NDUFAF2: variants seen among roughly 807,000 people sequenced by gnomAD.
NDUFAF2 encodes NADH dehydrogenase [ubiquinone] 1 alpha subcomplex assembly factor 2.
NDUFAF2 carries 13 observed loss-of-function variants against 22.8 expected under a neutral mutation model. The observed-to-expected ratio is 0.57, with a 90% CI of 0.37 to 0.91. NDUFAF2 has a LOEUF of 0.91. NDUFAF2 is among the 40% of genes least tolerant of loss of function. The pLI is 0.01. For missense variants in NDUFAF2, 162 were observed against 195.2 expected (o/e 0.83, Z 1.01); for synonymous variants, 53 against 64.2 (o/e 0.83, Z 0.84).
chr5:61,001,861 A>G (rs1198046488), intron 1 of NDUFAF2, among the ~76,000 whole-genome samples: 1 of 152,118 alleles, frequency 6.6e-6, no homozygotes, highest in Non-Finnish European at 1.5e-5. Context: ...AACAAATACT[A>G]CACCTTAAAA....
intron 2 of NDUFAF2, among the ~76,000 whole-genome samples, chr5:61,091,231 T>C (rs1752565387): frequency 6.6e-6 from 1 of 152,302 alleles, no homozygotes; most frequent in South Asian, 2.1e-4. Context: ...TCAAATGGTA[T>C]TTCTGTCTTT....
At chr5:61,132,061 A>G (rs1171747146) in intron 3 of NDUFAF2, among the ~76,000 whole-genome samples, 2 of 152,194 alleles carry the variant, frequency 1.3e-5, no homozygotes, top group African/African-American at 4.8e-5. Context: ...TTTCTTTGCT[A>G]AACCAAAATG....
chr5:61,120,764 C>T (rs980264039), intron 3 of NDUFAF2, among the ~76,000 whole-genome samples: 1 of 152,020 alleles, frequency 6.6e-6, no homozygotes, highest in East Asian at 1.9e-4. Context: ...AGACAAGTCT[C>T]ATTTAAGTTT....
chr5:61,122,091 A>T (rs1752983146), intron 3 of NDUFAF2, among the ~76,000 whole-genome samples: 1 of 152,078 alleles, frequency 6.6e-6, no homozygotes, highest in Non-Finnish European at 1.5e-5. Context: ...TGGCCTCACC[A>T]AAGTGTTGGG....
At chr5:61,023,151 C>G (rs547333052) in intron 1 of NDUFAF2, among the ~76,000 whole-genome samples, 1 of 152,118 alleles carries the variant, frequency 6.6e-6, no homozygotes, top group African/African-American at 2.4e-5. Context: ...AGTAAAGATA[C>G]AGATTGTATT....
chr5:60,990,949 A>G (rs1751150188), intron 1 of NDUFAF2, among the ~76,000 whole-genome samples: 1 of 152,150 alleles, frequency 6.6e-6, no homozygotes, highest in Admixed American at 6.6e-5. Flanking sequence ...GACTAGCCCA[A>G]AGCTCCTACG....
At chr5:61,043,422 TGTATA>T (rs144181176) in intron 1 of NDUFAF2, among the ~76,000 whole-genome samples, 15,564 of 152,052 alleles carry the variant, frequency 0.1, 1,053 homozygotes, top group South Asian at 0.16. Context: ...GTCACCATGA[TGTATA>T]GTCTCTTGAA....
chr5:61,027,791 A>G (rs1005741790), intron 1 of NDUFAF2, among the ~76,000 whole-genome samples: 4 of 151,844 alleles, frequency 2.6e-5, no homozygotes, highest in Non-Finnish European at 5.9e-5. Flanking sequence ...GTTGCTGTCA[A>G]TTTCATCACC....
chr5:60,962,054 T>TA (rs1337131829), intron 1 of NDUFAF2, among the ~76,000 whole-genome samples: 2 of 152,232 alleles, frequency 1.3e-5, no homozygotes, highest in Admixed American at 6.5e-5. Context: ...ATTGTATATA[T>TA]TTATATTGTT....
intron 1 of NDUFAF2, among the ~76,000 whole-genome samples, chr5:61,063,394 G>A (rs1291380711): frequency 1.3e-5 from 2 of 151,910 alleles, no homozygotes; most frequent in Non-Finnish European, 2.9e-5. Context: ...AGCTACTCTG[G>A]AGGCTGAGGC....
intron 1 of NDUFAF2, among the ~76,000 whole-genome samples, chr5:60,982,012 G>A (rs1750985098): frequency 6.6e-6 from 1 of 152,078 alleles, no homozygotes; most frequent in African/African-American, 2.4e-5. Flanking sequence ...GGACATCTTT[G>A]GAGAAACACT....
chr5:61,007,065 T>C (rs567159481), intron 1 of NDUFAF2, among the ~76,000 whole-genome samples: 45 of 152,284 alleles, frequency 3.0e-4, no homozygotes, highest in African/African-American at 1.1e-3. Context: ...ATTTTGTAGA[T>C]TGCCTGTTCA....
chr5:60,978,796 C>A (rs773827508), intron 1 of NDUFAF2, among the ~76,000 whole-genome samples: 1 of 152,124 alleles, frequency 6.6e-6, no homozygotes, highest in Non-Finnish European at 1.5e-5. Context: ...GGTGGACTTG[C>A]GGTGCCTATG....
chr5:60,965,970 A>C (rs899193327), intron 1 of NDUFAF2, among the ~76,000 whole-genome samples: 2 of 151,992 alleles, frequency 1.3e-5, no homozygotes, highest in African/African-American at 4.8e-5. Flanking sequence ...GGCTATACTA[A>C]TTTACATTCC....
chr5:61,048,224 C>T (rs1375647596), intron 1 of NDUFAF2, among the ~76,000 whole-genome samples: 1 of 152,044 alleles, frequency 6.6e-6, no homozygotes, highest in Non-Finnish European at 1.5e-5. Context: ...TTTGAAATTA[C>T]CTTTGGATGG....
chr5:60,981,390 G>T (rs1750975419), intron 1 of NDUFAF2, among the ~76,000 whole-genome samples: 1 of 152,118 alleles, frequency 6.6e-6, no homozygotes, highest in Non-Finnish European at 1.5e-5. Flanking sequence ...AATACCTGAG[G>T]GACTTCATTG....
At chr5:61,045,433 AT>A (rs1751941476) in intron 1 of NDUFAF2, among the ~76,000 whole-genome samples, 1 of 150,770 alleles carries the variant, frequency 6.6e-6, no homozygotes, top group African/African-American at 2.4e-5. Context: ...ATTCCTAAGT[AT>A]TTTTTGTAGC....
chr5:60,948,183 A>G (rs1750489032), intron 1 of NDUFAF2, among the ~76,000 whole-genome samples: 1 of 152,056 alleles, frequency 6.6e-6, no homozygotes, highest in Non-Finnish European at 1.5e-5. Context: ...CTGACACTAT[A>G]CATTAGTTTG....
intron 3 of NDUFAF2, among the ~76,000 whole-genome samples, chr5:61,112,433 C>T (rs1300120669): frequency 1.3e-5 from 2 of 151,788 alleles, no homozygotes; most frequent in Non-Finnish European, 2.9e-5. Context: ...GGGATGGTCT[C>T]GATCTTCTGA....
Sources: gnomAD v4.1 joint callset for allele counts (sites outside exome capture counted in the v4.1 genomes callset) on GRCh38, gnomAD v4.1.1 for gene constraint, MANE v1.5 for transcripts, NCBI Gene and HGNC (gene_info 2026-07-23, HGNC 2026-07-21) for gene names.